The following PLD5 variants were observed in gnomAD, a reference collection of about 807,000 sequenced individuals.
PLD5 encodes inactive phospholipase D5.
A neutral mutation model predicts 61.1 loss-of-function variants in PLD5; 36 were observed. The observed-to-expected ratio is 0.59, with a 90% CI of 0.45 to 0.78. The LOEUF (loss-of-function observed/expected upper bound fraction) is 0.78. PLD5 is among the 30% of genes least tolerant of loss of function. The probability of loss-of-function intolerance (pLI) is 0.00; values close to 1 mark genes in which losing one functional copy is unlikely to be tolerated. For synonymous variants in PLD5, 243 were observed against 242.8 expected, an observed-to-expected ratio of 1.00 and a Z score of -0.01; for missense variants, 515 against 644.4, an observed-to-expected ratio of 0.80 and a Z score of 2.17.
chr1:242,096,970 A>G (rs1558215168), intron 9 of PLD5, among the ~76,000 whole-genome samples: 3 of 150,200 alleles, frequency 2.0e-5, no homozygotes, highest in East Asian at 2.0e-4. Flanking sequence ...TCATTTTTCA[A>G]TTCCCACCTA....
At chr1:242,266,108 G>T (rs1673654391) in intron 3 of PLD5, among the ~76,000 whole-genome samples, 1 of 152,194 alleles carries the variant, frequency 6.6e-6, no homozygotes. Context: ...AGGCATGGTG[G>T]TTCATGCCTC....
intron 4 of PLD5, among the ~76,000 whole-genome samples, chr1:242,255,487 C>T (rs190633920): frequency 5.9e-5 from 9 of 152,304 alleles, no homozygotes; most frequent in Admixed American, 2.0e-4. Context: ...TAAAAAATTA[C>T]GCATGCTCTA....
At chr1:242,440,194 T>C (rs1666206367) in intron 1 of PLD5, among the ~76,000 whole-genome samples, 1 of 152,222 alleles carries the variant, frequency 6.6e-6, no homozygotes, top group Non-Finnish European at 1.5e-5. Context: ...AAAGGAATTT[T>C]AGTTTTTTTC....
At chr1:242,411,422 A>C (rs961543880) in intron 1 of PLD5, among the ~76,000 whole-genome samples, 2 of 151,996 alleles carry the variant, frequency 1.3e-5, no homozygotes, top group African/African-American at 4.8e-5. Flanking sequence ...TTTTTAGTAG[A>C]GGCGGGGTTT....
chr1:242,122,548 C>T (rs1662465710), intron 6 of PLD5, among the ~76,000 whole-genome samples: 1 of 152,150 alleles, frequency 6.6e-6, no homozygotes, highest in Non-Finnish European at 1.5e-5. Context: ...TGCTCATCCA[C>T]AAATTAGGAA....
intron 4 of PLD5, among the ~76,000 whole-genome samples, chr1:242,239,965 G>A (rs1671891648): frequency 6.6e-6 from 1 of 152,214 alleles, no homozygotes; most frequent in African/African-American, 2.4e-5. Flanking sequence ...TTCTCCTGGT[G>A]TTTTGTTCGT....
intron 2 of PLD5, among the ~76,000 whole-genome samples, chr1:242,289,380 G>T (rs193099253): frequency 6.6e-6 from 1 of 151,772 alleles, no homozygotes; most frequent in African/African-American, 2.4e-5. Context: ...ATGGAGTCTC[G>T]CTCTGTTGCC....
chr1:242,484,984 A>G (rs1446195310), intron 1 of PLD5, among the ~76,000 whole-genome samples: 1 of 152,214 alleles, frequency 6.6e-6, no homozygotes, highest in Non-Finnish European at 1.5e-5. Flanking sequence ...ATAGATGCAG[A>G]AAAGGCCTTT....
intron 1 of PLD5, among the ~76,000 whole-genome samples, chr1:242,446,637 A>T (rs1326722891): frequency 6.6e-6 from 1 of 152,190 alleles, no homozygotes; most frequent in East Asian, 1.9e-4. Context: ...CTTTCCACAC[A>T]TTGGACCGTC....
rs560537160 is a variant in PLD5 at position 242,419,709 on chromosome 1, G to A, written c.190-71467C>T. On this transcript the variant is annotated intron_variant, in intron 1 of 9. Transcript: ENST00000536534. ...ATTACAGGCGTGAGCCACCATGCCC[G>A]GCCATCCTGAATTTTATTGCCAGCA... Among the ~76,000 whole-genome samples the A allele has an allele frequency of 4.0e-5, 6 of 151,024 alleles. No homozygotes were observed. The East Asian group carries it at 1.2e-3, about 30-fold the overall frequency.
intron 6 of PLD5, 169 bp downstream of exon 6, chr1:242,124,299 G>C: frequency 1.7e-6 from 1 of 578,972 alleles, no homozygotes; most frequent in South Asian, 2.6e-5. Context: ...TATTATATTT[G>C]AGGGTATGAT....
At chr1:242,220,972 A>G (rs111297370) in intron 4 of PLD5, among the ~76,000 whole-genome samples, 46,026 of 151,792 alleles carry the variant, frequency 0.3, 7,275 homozygotes, top group East Asian at 0.53. Context: ...CCTGACCTCA[A>G]GTGATCCACT....
At chr1:242,358,628 A>G (rs950683232) in intron 1 of PLD5, among the ~76,000 whole-genome samples, 8 of 151,584 alleles carry the variant, frequency 5.3e-5, no homozygotes, top group African/African-American at 1.9e-4. Context: ...TGGCTGGGCT[A>G]CAGAGTATAT....
At chr1:242,109,265 G>A (rs1661296537) in intron 7 of PLD5, among the ~76,000 whole-genome samples, 1 of 152,220 alleles carries the variant, frequency 6.6e-6, no homozygotes, top group Non-Finnish European at 1.5e-5. Context: ...ATCACTTGAG[G>A]TCGGGAGTTT....
rs141158717 is a variant in PLD5, at chr1:242,510,172, T to C, written c.189+13916A>G. 9.4e-4 allele frequency among the ~76,000 whole-genome samples: 143 copies of C among 152,180 alleles called. 4 individuals are homozygous for C. The East Asian group carries it at 0.026, about 27-fold the overall frequency. On this transcript the variant is annotated intron_variant, in intron 1 of 9. Coordinates refer to ENST00000536534, the MANE Select transcript of PLD5 (RefSeq NM_001372062.1). ...TGTCTTGGCTCATGATGGCTGACTA[T>C]AGAAGACCCCTTTCCCGCACGCAGG...
chr1:242,357,610 C>T (rs1160037970), intron 1 of PLD5, among the ~76,000 whole-genome samples: 3 of 151,656 alleles, frequency 2.0e-5, no homozygotes, highest in Non-Finnish European at 2.9e-5. Flanking sequence ...CTCAGCCTCC[C>T]GAGTAGCTGG....
intron 5 of PLD5, among the ~76,000 whole-genome samples, chr1:242,163,253 C>G (rs1666012449): frequency 6.7e-6 from 1 of 149,160 alleles, no homozygotes; most frequent in Admixed American, 6.6e-5. Context: ...ATGCCATTCT[C>G]CTGCCTCAGC....
In PLD5 at chr1:242,256,906, T is replaced by TTA. The variant is rs1673078230; in HGVS notation, c.607+8430_607+8431insTA. ...TCTCCCTCTTCTTTCTCTTTCTTTTTTCATCTATCTATCTATCTATCTATC... is the reference window on the plus strand; with the variant it reads ...TCTCCCTCTTCTTTCTCTTTCTTTTTTATCATCTATCTATCTATCTATCTATC... On this transcript the variant is annotated intron_variant, in intron 4 of 9. Transcript: ENST00000536534. This position sits in a 1 kb window ranked among gnomAD's most constrained non-coding sequence, Gnocchi z 5.7. 1.0e-5 allele frequency among the ~76,000 whole-genome samples: 1 copy of TTA among 100,150 alleles called. No homozygotes were observed. The highest frequency in any genetic ancestry group is 1.9e-5 in the Non-Finnish European group (1 of 53,644). The allele number at this position is 100,150 out of a possible 152,430, so 65.7% of individuals were successfully genotyped here.
intron 9 of PLD5, among the ~76,000 whole-genome samples, chr1:242,092,739 G>T (rs1030960229): frequency 7.9e-5 from 12 of 152,154 alleles, no homozygotes; most frequent in Non-Finnish European, 1.5e-5. Context: ...CTGGAAGAAA[G>T]CACATCTGGG....
Sources: gnomAD v4.1 joint callset for allele counts (sites outside exome capture counted in the v4.1 genomes callset) on GRCh38, gnomAD v4.1.1 for gene constraint, Gnocchi (gnomAD v3.1) non-coding constraint, MANE v1.5 for transcripts, NCBI Gene and HGNC (gene_info 2026-07-23, HGNC 2026-07-21) for gene names.